The following OSBP2 variants were observed in gnomAD, a reference collection of about 807,000 sequenced individuals.
OSBP2 encodes oxysterol binding protein 2.
A neutral mutation model predicts 96.0 loss-of-function variants in OSBP2; 66 were observed. The ratio of observed to expected loss-of-function variants is 0.69; its 90% CI spans 0.56 to 0.84. The LOEUF is 0.84. OSBP2 is among the 40% of genes least tolerant of loss of function. The pLI is 0.00. For missense variants in OSBP2, 1,038 were observed against 1,222.7 expected (o/e 0.85, Z 2.25); for synonymous variants, 525 against 520.9 (o/e 1.01, Z -0.11).
chr22:30,724,735 G>C (rs1364782098), intron 1 of OSBP2, among the ~76,000 whole-genome samples: 2 of 152,224 alleles, frequency 1.3e-5, no homozygotes, highest in East Asian at 3.8e-4. Flanking sequence ...GCAGGGACGA[G>C]ACAGTCCAGG....
intron 2 of OSBP2, chr22:30,822,558 C>T (rs1225537828): frequency 1.3e-6 from 2 of 1,489,118 alleles, no homozygotes; most frequent in East Asian, 2.5e-5. Context: ...GAGCTGTGCA[C>T]GCGTCCGTGC....
chr22:30,817,549 G>T lies in OSBP2; in HGVS notation c.854-52880G>T, dbSNP rs187491002. Reference sequence around the variant, plus strand: ...TGCAAAGGGGAAAGGGGGTTGTGAGGAGGAATGCACCAGCAATGCAGACAG... The same window carrying T: ...TGCAAAGGGGAAAGGGGGTTGTGAGTAGGAATGCACCAGCAATGCAGACAG... On this transcript the variant is annotated intron_variant, in intron 2 of 13. Transcript: ENST00000332585. Among the ~76,000 whole-genome samples the T allele has an allele frequency of 3.0e-4, 45 of 152,344 alleles. 1 individual carries two copies. In the Middle Eastern group the frequency reaches 0.01, roughly 35 times the overall value.
intron 1 of OSBP2, among the ~76,000 whole-genome samples, chr22:30,725,539 C>CA (rs1430182346): frequency 2.2e-5 from 3 of 135,424 alleles, no homozygotes; most frequent in Admixed American, 7.6e-5. Context: ...AAAACAAAAA[C>CA]AAAAACAAAA....
At chr22:30,872,147 G>C (rs1478012887) in intron 3 of OSBP2, among the ~76,000 whole-genome samples, 1 of 152,208 alleles carries the variant, frequency 6.6e-6, no homozygotes, top group Non-Finnish European at 1.5e-5. Flanking sequence ...CCTGCGTGTT[G>C]GCCCCATTGT....
At chr22:30,783,667 A>G (rs2090550009) in intron 2 of OSBP2, among the ~76,000 whole-genome samples, 1 of 152,146 alleles carries the variant, frequency 6.6e-6, no homozygotes, top group Non-Finnish European at 1.5e-5. Flanking sequence ...TGCAATACCG[A>G]TAATACTATT....
rs71202016 is a variant in OSBP2 at position 30,840,305 on chromosome 22, T to TA, written c.854-30113dup. On this transcript the variant is annotated intron_variant, in intron 2 of 13. Coordinates refer to ENST00000332585, the MANE Select transcript of OSBP2 (RefSeq NM_030758.4). Reference sequence around the variant, plus strand: ...ATAAATGTTTATTAAATAAACCTGTTAAAAAAAAAAAGAAAAAGGAAAAAA... The same window carrying TA: ...ATAAATGTTTATTAAATAAACCTGTTAAAAAAAAAAAAGAAAAAGGAAAAAA... 2.0e-3 allele frequency among the ~76,000 whole-genome samples: 278 copies of TA among 140,888 alleles called. 1 individual carries two copies. The highest frequency in any genetic ancestry group is 5.8e-3 in the East Asian group (28 of 4,802). 92.4% of individuals were successfully genotyped at this position (140,888 alleles called of 152,430 possible).
chr22:30,867,744 T>G (rs1365994321), intron 2 of OSBP2, among the ~76,000 whole-genome samples: 1 of 152,264 alleles, frequency 6.6e-6, no homozygotes, highest in Non-Finnish European at 1.5e-5. Flanking sequence ...TACAGAAATG[T>G]GGCTACCTGC....
chr22:30,893,593 G>A (rs755699736), intron 10 of OSBP2, 27 bp downstream of exon 10: 162 of 1,612,532 alleles, frequency 1.0e-4, no homozygotes, highest in Admixed American at 4.8e-4. Flanking sequence ...GGGAGGGGGT[G>A]CATGGCCCGG....
At chr22:30,832,141 C>T (rs918748732) in intron 2 of OSBP2, among the ~76,000 whole-genome samples, 1 of 152,116 alleles carries the variant, frequency 6.6e-6, no homozygotes, top group Non-Finnish European at 1.5e-5. Context: ...ACTTCACTCC[C>T]ACCATCCCTC....
rs1352548342 is a variant in OSBP2 at position 30,895,604 on chromosome 22, CACG to C, written c.2375+1604_2375+1606del. Among the ~76,000 whole-genome samples the C allele has an allele frequency of 1.4e-3, 214 of 152,244 alleles. 9 individuals carry two copies. The East Asian group carries it at 0.036, about 26-fold the overall frequency. Reference sequence around the variant, plus strand: ...TCACATATGGGGCCATATCCTTAGGCACGCAGCCTCGGAAGTTTTGCCACACAA... The same window carrying C: ...TCACATATGGGGCCATATCCTTAGGCCAGCCTCGGAAGTTTTGCCACACAA... On this transcript the variant is annotated intron_variant, in intron 12 of 13. Transcript: ENST00000332585.
At position 30,906,464 on chromosome 22, in the gene OSBP2, A is replaced by G. The variant is rs1051044641; in HGVS notation, c.*125A>G. Reference sequence around the variant, plus strand: ...CCCAGCCCTTCCTATTTCCTTTCCTATTTTTTTTTTCTCCCCACACTTTCT... The same window carrying G: ...CCCAGCCCTTCCTATTTCCTTTCCTGTTTTTTTTTTCTCCCCACACTTTCT... On this transcript the variant is annotated 3_prime_UTR_variant, in exon 14 of 14. Transcript: ENST00000332585. 3.7e-6 allele frequency: 4 copies of G among 1,083,906 alleles called. No homozygotes were observed. In the African/African-American group the frequency reaches 5.1e-5, roughly 14 times the overall value. The allele number at this position is 1,083,906 out of a possible 1,614,324, so 67.1% of individuals were successfully genotyped here. A position where few individuals can be genotyped will look rare whatever the true frequency, so the allele number is the denominator to read the frequency against.
intron 2 of OSBP2, among the ~76,000 whole-genome samples, chr22:30,789,760 C>G (rs1243408401): frequency 6.6e-6 from 1 of 152,146 alleles, no homozygotes; most frequent in Non-Finnish European, 1.5e-5. Flanking sequence ...AGAAGGTGGA[C>G]AGACTTCAAT....
At chr22:30,887,893 C>T (rs1476147291) in intron 4 of OSBP2, among the ~76,000 whole-genome samples, 2 of 152,208 alleles carry the variant, frequency 1.3e-5, no homozygotes, top group Non-Finnish European at 2.9e-5. Context: ...CAGGTGGCCA[C>T]CCACCTAGCC....
At chr22:30,830,710 T>C (rs975921099) in intron 2 of OSBP2, among the ~76,000 whole-genome samples, 7 of 152,254 alleles carry the variant, frequency 4.6e-5, no homozygotes, top group Non-Finnish European at 1.0e-4. Flanking sequence ...ACCAATCTTC[T>C]GTGCCCTAGG....
chr22:30,811,505 G>C (rs556706048), intron 2 of OSBP2, among the ~76,000 whole-genome samples: 1 of 150,310 alleles, frequency 6.7e-6, no homozygotes, highest in Middle Eastern at 3.4e-3. Context: ...ACCACCATGC[G>C]TGGCTATATT....
At chr22:30,711,050 C>G (rs548725342) in intron 1 of OSBP2, among the ~76,000 whole-genome samples, 2 of 152,154 alleles carry the variant, frequency 1.3e-5, no homozygotes, top group Admixed American at 1.3e-4. Flanking sequence ...CAGCCTTGTA[C>G]TTGTCTTGTC....
intron 1 of OSBP2, among the ~76,000 whole-genome samples, chr22:30,701,447 T>C (rs1246258768): frequency 1.3e-5 from 2 of 150,580 alleles, no homozygotes; most frequent in Non-Finnish European, 3.0e-5. Context: ...AGGTTCATGC[T>C]ATTCTCCTGC....
At chr22:30,858,171 G>A (rs1021440062) in intron 2 of OSBP2, among the ~76,000 whole-genome samples, 64 of 145,384 alleles carry the variant, frequency 4.4e-4, no homozygotes, top group Non-Finnish European at 7.7e-4. Context: ...ACGGAGTCTC[G>A]CTCTGTCGCC....
chr22:30,734,227 A>G (rs1047658430), intron 1 of OSBP2, among the ~76,000 whole-genome samples: 2 of 152,080 alleles, frequency 1.3e-5, no homozygotes, highest in Admixed American at 6.6e-5. Context: ...TGCCTGCCTC[A>G]GTGCTGGGAT....
Sources: gnomAD v4.1 joint callset for allele counts (sites outside exome capture counted in the v4.1 genomes callset) on GRCh38, gnomAD v4.1.1 for gene constraint, MANE v1.5 for transcripts, NCBI Gene and HGNC (gene_info 2026-07-23, HGNC 2026-07-21) for gene names.